Variants in TRDMT1 observed in about 807,000 individuals in gnomAD.
TRDMT1 encodes tRNA aspartic acid methyltransferase 1, also known as tRNA (cytosine(38)-C(5))-methyltransferase.
Under a neutral mutation model 51.2 loss-of-function variants are expected in TRDMT1, and 49 were observed. That is an observed-to-expected ratio of 0.96 (90% CI 0.76 to 1.21). The LOEUF is 1.21. TRDMT1 is among the 50% of genes most tolerant of loss of function. The probability of loss-of-function intolerance (pLI) is 0.00; values close to 1 mark genes in which losing one functional copy is unlikely to be tolerated. For synonymous variants in TRDMT1, 187 were observed against 164.6 expected, an observed-to-expected ratio of 1.14 and a Z score of -1.04; for missense variants, 534 against 462.3, an observed-to-expected ratio of 1.16 and a Z score of -1.42.
intron 3 of TRDMT1, among the ~76,000 whole-genome samples, chr10:17,167,175 C>A (rs180851154): frequency 1.4e-3 from 214 of 152,254 alleles, no homozygotes; most frequent in African/African-American, 5.1e-3. Context: ...AAAAATAATG[C>A]CTGGCTTGTA....
intron 1 of TRDMT1, among the ~76,000 whole-genome samples, chr10:17,193,706 A>C (rs1243785663): frequency 6.6e-6 from 1 of 152,200 alleles, no homozygotes; most frequent in Admixed American, 6.5e-5. Context: ...GATTCAAAAA[A>C]TCAATGTTGT....
chr10:17,152,167 C>A, intron 10 of TRDMT1: 3 of 1,054,488 alleles, frequency 2.8e-6, no homozygotes, highest in Non-Finnish European at 3.8e-6. Context: ...AAGTCTAATT[C>A]TCAGCTCTTC....
rs1162692659 is a variant in TRDMT1 at position 17,141,588 on chromosome 10, T to C, written c.*7452A>G. On this transcript the variant is annotated 3_prime_UTR_variant, in exon 11 of 11. Transcript: ENST00000377799. ...ATATAAATGTTGGTTCTTCTGTTAT[T>C]GTCCCACAGGTCCCCAAGGCTCTGT... Among the ~76,000 whole-genome samples the C allele has an allele frequency of 6.6e-6, 1 of 152,190 alleles. No homozygotes were observed. Among genetic ancestry groups the C allele is most frequent in the East Asian group, 1.9e-4 (1 of 5,192 alleles).
intron 2 of TRDMT1, among the ~76,000 whole-genome samples, chr10:17,170,327 ATAAAG>A (rs1215957375): frequency 2.0e-5 from 3 of 152,248 alleles, no homozygotes; most frequent in African/African-American, 7.2e-5. Flanking sequence ...TTTGGATTAA[ATAAAG>A]TAGTCATGGA....
chr10:17,184,301 G>A (rs1441949960), intron 1 of TRDMT1, among the ~76,000 whole-genome samples: 1 of 151,980 alleles, frequency 6.6e-6, no homozygotes, highest in African/African-American at 2.4e-5. Context: ...CATAACTTAT[G>A]AGGTGATCAT....
chr10:17,160,472 G>GT (rs1053386469), intron 5 of TRDMT1, 98 bp from the exon 6 acceptor site: 11 of 799,194 alleles, frequency 1.4e-5, no homozygotes, highest in Admixed American at 3.4e-5. Context: ...TTGTTTTCTT[G>GT]TTTTTTTGGT....
At chr10:17,200,586 G>C (rs562872700) in intron 1 of TRDMT1, 2 of 166,966 alleles carry the variant, frequency 1.2e-5, no homozygotes, top group South Asian at 4.1e-4. Flanking sequence ...GGTTGTCTTA[G>C]TAATTTAAGA....
chr10:17,138,488 C>T lies in TRDMT1; in HGVS notation c.*10552G>A, dbSNP rs974978999. 2.6e-5 allele frequency among the ~76,000 whole-genome samples: 4 copies of T among 152,146 alleles called. No individual in the cohort carries two copies. The highest frequency in any genetic ancestry group is 4.4e-5 in the Non-Finnish European group (3 of 68,032). On this transcript the variant is annotated 3_prime_UTR_variant, in exon 11 of 11. Transcript: ENST00000377799. Reference sequence around the variant, plus strand: ...GTACATTTAAAACTATTCTTTTGCTCATTTCATGGGAAGTGCATTACCATG... The same window carrying T: ...GTACATTTAAAACTATTCTTTTGCTTATTTCATGGGAAGTGCATTACCATG...
rs145715580 is a variant in TRDMT1 at position 17,159,846 on chromosome 10, T to C, written c.459+459A>G. ...ATCTGTCAAATAACTTGTCTTATCA[T>C]GATCAATTACTTAAATTTCTTATCC... On this transcript the variant is annotated intron_variant, in intron 6 of 10. Coordinates refer to ENST00000377799, the MANE Select transcript of TRDMT1 (RefSeq NM_004412.7). Among the ~76,000 whole-genome samples, 249 of 152,300 alleles carry C rather than the reference T, an allele frequency of 1.6e-3. 1 individual carries two copies. Among genetic ancestry groups the C allele is most frequent in the African/African-American group, 5.6e-3 (234 of 41,582 alleles).
At chr10:17,178,959 A>C (rs967924459) in intron 1 of TRDMT1, among the ~76,000 whole-genome samples, 2 of 152,146 alleles carry the variant, frequency 1.3e-5, no homozygotes, top group African/African-American at 4.8e-5. Flanking sequence ...ACTATATCTT[A>C]GGAGAATTTA....
rs1837674958 is a variant in TRDMT1 at position 17,141,389 on chromosome 10, T to G, written c.*7651A>C. Among the ~76,000 whole-genome samples, 2 of 152,210 alleles carry G rather than the reference T, an allele frequency of 1.3e-5. No individual in the cohort carries two copies. Among genetic ancestry groups the G allele is most frequent in the Non-Finnish European group, 2.9e-5 (2 of 68,034 alleles). On this transcript the variant is annotated 3_prime_UTR_variant, in exon 11 of 11. Coordinates refer to ENST00000377799, the MANE Select transcript of TRDMT1 (RefSeq NM_004412.7). ...GTTGGAAAGGATGGTCTCTATCTCC[T>G]GACCTTATGATCTGCCCCCCTTCGC...
In TRDMT1 at chr10:17,168,855, G is replaced by C. The variant is rs766528223; in HGVS notation, c.237C>G (p.Cys79Trp). Residue 79 changes from cysteine to tryptophan, a missense_variant, in exon 3 of 11, where the codon TGC becomes TGG. Transcript: ENST00000377799. The part of the protein sequence containing the change: ...SFDMILMSPP[C>W]QPFTRIGRQG... ...ATGACACATACCTTGTGAATGGCTG[G>C]CAGGGAGGGCTCATTAAAATCATAT... 6.2e-7 allele frequency: 1 copy of C among 1,610,740 alleles called. No individual in the cohort carries two copies. Among genetic ancestry groups the C allele is most frequent in the African/African-American group, 1.3e-5 (1 of 74,804 alleles).
In TRDMT1 at chr10:17,146,032, G is replaced by C; in HGVS notation, c.*3008C>G. The C allele has an allele frequency of 1.0e-6, 1 of 985,424 alleles. No individual in the cohort carries two copies. The highest frequency in any genetic ancestry group is 1.2e-6 in the Non-Finnish European group (1 of 829,954). 61.0% of individuals were successfully genotyped at this position (985,424 alleles called of 1,614,324 possible). ...TCCACCCCTACCAATGCGTTGAATT[G>C]CCTGCACTCATCTCTAACCCCATCC... is the stretch of plus-strand genomic sequence containing the variant. On this transcript the variant is annotated 3_prime_UTR_variant, in exon 11 of 11. Coordinates refer to ENST00000377799, the MANE Select transcript of TRDMT1 (RefSeq NM_004412.7).
At chr10:17,189,359 C>T (rs774293351) in intron 1 of TRDMT1, among the ~76,000 whole-genome samples, 5 of 152,000 alleles carry the variant, frequency 3.3e-5, no homozygotes, top group Non-Finnish European at 5.9e-5. Flanking sequence ...AAATATAGTG[C>T]CTTTGCCATA....
At chr10:17,151,746 A>C (rs1011745967) in intron 10 of TRDMT1, 6 of 820,364 alleles carry the variant, frequency 7.3e-6, no homozygotes, top group Non-Finnish European at 8.8e-6. Flanking sequence ...AAGTAAATAC[A>C]TGGCTCATTC....
chr10:17,157,857 AAC>A (rs1839780053), intron 7 of TRDMT1, 73 bp from the exon 8 acceptor site: 1 of 1,213,962 alleles, frequency 8.2e-7, no homozygotes, highest in Non-Finnish European at 1.1e-6. Flanking sequence ...ATGTCCAGTC[AAC>A]ATTACGAAAA....
Position 17,172,527 on chromosome 10 carries a change from T to C in TRDMT1, c.174+2024A>G, listed in dbSNP as rs1395571245. Reference sequence around the variant, plus strand: ...AAAAAAAAATGAGTAAAAATTATATTTCACAGTGAAGACAAAATAAAACAC... The same window carrying C: ...AAAAAAAAATGAGTAAAAATTATATCTCACAGTGAAGACAAAATAAAACAC... On this transcript the variant is annotated intron_variant, in intron 2 of 10. Coordinates refer to ENST00000377799, the MANE Select transcript of TRDMT1 (RefSeq NM_004412.7). Among the ~76,000 whole-genome samples, 11 of 152,058 alleles carry C rather than the reference T, an allele frequency of 7.2e-5. No individual in the cohort carries two copies. In the South Asian group the frequency reaches 1.4e-3, roughly 20 times the overall value.
In TRDMT1 at chr10:17,168,932, T is replaced by G; in HGVS notation, c.175-15A>C. 2.6e-6 allele frequency: 4 copies of G among 1,561,958 alleles called. No homozygotes were observed. The highest frequency in any genetic ancestry group is 3.5e-6 in the Non-Finnish European group (4 of 1,144,346). ...AGTGTAATGCCCTGAGGAATGAACA[T>G]TTAGGGGGAAAAAAGAACATAAAAA... On this transcript the variant is annotated splice_polypyrimidine_tract_variant and intron_variant, in intron 2 of 10. Coordinates refer to ENST00000377799, the MANE Select transcript of TRDMT1 (RefSeq NM_004412.7).
Position 17,162,147 on chromosome 10 carries a change from C to T in TRDMT1, c.323+19G>A, listed in dbSNP as rs1419106709. The T allele has an allele frequency of 1.3e-6, 2 of 1,589,408 alleles. No homozygotes were observed. The highest frequency in any genetic ancestry group is 1.7e-6 in the Non-Finnish European group (2 of 1,166,472). On this transcript the variant is annotated intron_variant, in intron 4 of 10. Transcript: ENST00000377799. ...GTTTCAAATGAAAGGTAAGCTTGTA[C>T]AGGAACCTAAGTTTTTACCTTGGGA...
Sources: gnomAD v4.1 joint callset for allele counts (sites outside exome capture counted in the v4.1 genomes callset) on GRCh38, gnomAD v4.1.1 for gene constraint, MANE v1.5 for transcripts, NCBI Gene and HGNC (gene_info 2026-07-23, HGNC 2026-07-21) for gene names.